Variants in VPS13B observed in about 807,000 individuals in gnomAD.
VPS13B encodes vacuolar protein sorting 13 homolog B.
Under a neutral mutation model 426.4 loss-of-function variants are expected in VPS13B, and 285 were observed. The ratio of observed to expected loss-of-function variants is 0.67; its 90% CI spans 0.61 to 0.74. The LOEUF (loss-of-function observed/expected upper bound fraction) is 0.74. VPS13B is among the 30% of genes least tolerant of loss of function. The probability of loss-of-function intolerance (pLI) is 0.00; values close to 1 mark genes in which losing one functional copy is unlikely to be tolerated. For missense variants in VPS13B, 4,537 were observed against 4,782.6 expected (o/e 0.95, Z 1.51); for synonymous variants, 1,676 against 1,676.4 (o/e 1.00, Z 0.01).
In VPS13B at chr8:99,654,031, GATT is replaced by G. The variant is rs200884439; in HGVS notation, c.5909-7302_5909-7300del. Among the ~76,000 whole-genome samples the G allele has an allele frequency of 6.3e-3, 946 of 149,768 alleles. 9 individuals are homozygous for G. Among genetic ancestry groups the G allele is most frequent in the African/African-American group, 0.021 (867 of 40,854 alleles). ...TGTCCTGACATTGGATGATGATGATGATTATTATTATTATTATTATTATATATA... is the reference window on the plus strand; with the variant it reads ...TGTCCTGACATTGGATGATGATGATGATTATTATTATTATTATTATATATA... On this transcript the variant is annotated intron_variant, in intron 34 of 61. Coordinates refer to ENST00000357162, the MANE Select transcript of VPS13B (RefSeq NM_152564.5).
At chr8:99,632,375 T>C (rs569697002) in intron 33 of VPS13B, among the ~76,000 whole-genome samples, 1 of 152,086 alleles carries the variant, frequency 6.6e-6, no homozygotes, top group African/African-American at 2.4e-5. Flanking sequence ...ACCAAAAATA[T>C]CCAAGCTTAA....
intron 17 of VPS13B, among the ~76,000 whole-genome samples, chr8:99,197,266 T>C (rs1173894716): frequency 1.3e-5 from 2 of 152,156 alleles, no homozygotes; most frequent in Non-Finnish European, 2.9e-5. Flanking sequence ...ACCAGAGATA[T>C]TGGTCTGTAA....
chr8:99,357,952 C>T (rs1398607789), intron 19 of VPS13B, among the ~76,000 whole-genome samples: 2 of 151,162 alleles, frequency 1.3e-5, no homozygotes, highest in African/African-American at 4.9e-5. Context: ...TTTCTAAAAC[C>T]CAGTTTCTTC....
intron 34 of VPS13B, among the ~76,000 whole-genome samples, chr8:99,648,347 T>G (rs78397626): frequency 0.014 from 2,133 of 152,274 alleles, 50 homozygotes; most frequent in African/African-American, 0.047. Context: ...CCTATGACCT[T>G]TATTTAAGTT....
intron 39 of VPS13B, among the ~76,000 whole-genome samples, chr8:99,765,640 G>C (rs996648368): frequency 1.3e-4 from 20 of 152,210 alleles, no homozygotes; most frequent in Admixed American, 9.8e-4. Context: ...AGTGCCCCCA[G>C]GGGGATGCTC....
chr8:99,663,414 G>A (rs1326748384), intron 35 of VPS13B, among the ~76,000 whole-genome samples: 1 of 152,202 alleles, frequency 6.6e-6, no homozygotes, highest in East Asian at 1.9e-4. Context: ...GAAACTGAAG[G>A]ATAAGCAAGT....
At position 99,725,787 on chromosome 8, in the gene VPS13B, G is replaced by A. The variant is rs189040121; in HGVS notation, c.7050+4740G>A. Among the ~76,000 whole-genome samples, 24 of 152,162 alleles carry A rather than the reference G, an allele frequency of 1.6e-4. 1 individual carries two copies. The highest frequency in any genetic ancestry group is 1.5e-3 in the Admixed American group (23 of 15,292). On this transcript the variant is annotated intron_variant, in intron 39 of 61. Coordinates refer to ENST00000357162, the MANE Select transcript of VPS13B (RefSeq NM_152564.5). The stretch of plus-strand genomic sequence containing the variant: ...GGGTGCGTTGTGTTATTTTTCAGTG[G>A]TATCATCTGTACACACAGTCTAATG...
Position 99,212,872 on chromosome 8 carries a change from A to T in VPS13B, c.2515+19815A>T, listed in dbSNP as rs561977757. 2.6e-5 allele frequency among the ~76,000 whole-genome samples: 4 copies of T among 152,244 alleles called. No individual in the cohort carries two copies. In the South Asian group the frequency reaches 6.2e-4, roughly 24 times the overall value. The stretch of plus-strand genomic sequence containing the variant: ...CATCTCTTATATTTTTGATGTTCTT[A>T]ACCATATCAACCCCATAAAGTTTCT... On this transcript the variant is annotated intron_variant, in intron 17 of 61. Coordinates refer to ENST00000357162, the MANE Select transcript of VPS13B (RefSeq NM_152564.5).
At chr8:99,179,034 A>G (rs1812796080) in intron 16 of VPS13B, among the ~76,000 whole-genome samples, 1 of 152,202 alleles carries the variant, frequency 6.6e-6, no homozygotes, top group African/African-American at 2.4e-5. Flanking sequence ...CTTATAACTT[A>G]AAAAATACTG....
chr8:99,659,114 C>A (rs374403682), intron 34 of VPS13B, among the ~76,000 whole-genome samples: 6 of 152,174 alleles, frequency 3.9e-5, no homozygotes, highest in Non-Finnish European at 7.4e-5. Context: ...GGATTGCAGA[C>A]CCGTTGTCAG....
At chr8:99,284,811 T>G (rs968747475) in intron 19 of VPS13B, among the ~76,000 whole-genome samples, 7 of 152,156 alleles carry the variant, frequency 4.6e-5, no homozygotes, top group African/African-American at 1.7e-4. Flanking sequence ...TCTTTCCACC[T>G]TGGCCTCCCA....
intron 33 of VPS13B, among the ~76,000 whole-genome samples, chr8:99,620,671 A>G (rs115014458): frequency 9.9e-4 from 150 of 152,222 alleles, no homozygotes; most frequent in African/African-American, 3.1e-3. Flanking sequence ...ATGGCATATG[A>G]TAAGAAGTGC....
intron 12 of VPS13B, among the ~76,000 whole-genome samples, 198 bp from the exon 13 acceptor site, chr8:99,142,776 T>G (rs1810501290): frequency 6.6e-6 from 1 of 152,228 alleles, no homozygotes; most frequent in African/African-American, 2.4e-5. Context: ...GGAATAAATT[T>G]TAATGAATTG....
At chr8:99,725,301 C>G (rs1282460992) in intron 39 of VPS13B, among the ~76,000 whole-genome samples, 1 of 152,180 alleles carries the variant, frequency 6.6e-6, no homozygotes, top group East Asian at 1.9e-4. Context: ...AGCCCATGGC[C>G]TGTTAGGAAC....
intron 3 of VPS13B, among the ~76,000 whole-genome samples, chr8:99,053,055 T>C (rs1255078505): frequency 6.6e-6 from 1 of 152,034 alleles, no homozygotes; most frequent in East Asian, 1.9e-4. Context: ...TGATCTTAGT[T>C]ATTTCTTGCC....
intron 57 of VPS13B, 91 bp from the exon 58 acceptor site, chr8:99,861,685 C>T: frequency 2.0e-6 from 3 of 1,508,022 alleles, no homozygotes; most frequent in Non-Finnish European, 2.7e-6. Flanking sequence ...CCAGGAGGGG[C>T]CACAGGTGCT....
intron 16 of VPS13B, among the ~76,000 whole-genome samples, chr8:99,180,407 A>G (rs1157775872): frequency 6.6e-6 from 1 of 152,202 alleles, no homozygotes; most frequent in African/African-American, 2.4e-5. Flanking sequence ...GGTAAACAAA[A>G]TAGACCTTGT....
chr8:99,709,162 A>G (rs1226356803), intron 36 of VPS13B, among the ~76,000 whole-genome samples: 1 of 152,186 alleles, frequency 6.6e-6, no homozygotes, highest in Admixed American at 6.5e-5. Flanking sequence ...GGATGTATCT[A>G]ACACATGCTT....
At chr8:99,806,252 C>T (rs1053635745) in intron 43 of VPS13B, among the ~76,000 whole-genome samples, 4 of 152,242 alleles carry the variant, frequency 2.6e-5, no homozygotes, top group African/African-American at 7.2e-5. Context: ...CCTTTATCCA[C>T]GTTCCCTTTT....
Sources: allele counts gnomAD v4.1 joint callset (sites outside exome capture counted in the v4.1 genomes callset), GRCh38; gene constraint gnomAD v4.1.1; transcripts MANE v1.5; gene names NCBI Gene and HGNC (gene_info 2026-07-23, HGNC 2026-07-21).